Variants in CCDC142 observed in about 807,000 individuals in gnomAD.
CCDC142 encodes the protein coiled-coil domain-containing protein 142.
CCDC142 carries 67 observed loss-of-function variants against 83.8 expected under a neutral mutation model. The ratio of observed to expected loss-of-function variants is 0.80; its 90% CI spans 0.66 to 0.98. CCDC142 has a LOEUF of 0.98. Ranked by LOEUF, CCDC142 falls within the 50% of genes least tolerant of loss-of-function variation. CCDC142 has a pLI of 0.00. For missense variants in CCDC142, 905 were observed against 946.8 expected (o/e 0.96, Z 0.58); for synonymous variants, 421 against 421.2 (o/e 1.00, Z 0.01).
In CCDC142 at chr2:74,481,130, G is replaced by A. The variant is rs1553382391; in HGVS notation, c.1259-44C>T. 6.8e-6 allele frequency: 11 copies of A among 1,608,740 alleles called. No homozygotes were observed. The Admixed American group carries it at 1.2e-4, about 17-fold the overall frequency. ...GAGTGAGTATCTTAGGGGTCATGGAGTACCTTTGGGAAGAGGCAGATTTCA... is the reference window on the plus strand; with the variant it reads ...GAGTGAGTATCTTAGGGGTCATGGAATACCTTTGGGAAGAGGCAGATTTCA... On this transcript the variant is annotated intron_variant, in intron 3 of 8. Transcript: ENST00000393965.
rs1230352042 is a variant in CCDC142 at position 74,474,986 on chromosome 2, A to G, written c.1926T>C (p.Asp642=). The G allele has an allele frequency of 1.2e-6, 2 of 1,613,604 alleles. No individual in the cohort carries two copies. The highest frequency in any genetic ancestry group is 1.7e-6 in the Non-Finnish European group (2 of 1,179,800). ...LLMLSIFQQL[D]GALLCLLQQP... The stretch of plus-strand genomic sequence containing the variant: ...GCTGCAACAGACACAGCAGGGCCCC[A>G]TCCAGCTGCTGGAAGATGCTGAGCA... Residue 642 remains aspartate (D), a synonymous_variant, in exon 8 of 9, where the codon GAT becomes GAC. Coordinates refer to ENST00000393965, the MANE Select transcript of CCDC142 (RefSeq NM_001365575.2).
At position 74,476,024 on chromosome 2, in the gene CCDC142, T is replaced by C. The variant is rs370855110; in HGVS notation, c.1504-298A>G. 1.6e-3 allele frequency among the ~76,000 whole-genome samples: 174 copies of C among 109,676 alleles called. 2 individuals carry two copies. The highest frequency in any genetic ancestry group is 6.1e-3 in the African/African-American group (167 of 27,258). The allele number at this position is 109,676 out of a possible 152,430, so 72.0% of individuals were successfully genotyped here. On this transcript the variant is annotated intron_variant, in intron 5 of 8. Transcript: ENST00000393965. ...AGAGCTTTAAGGAAAAAGAAAGACA[T>C]ACCCTGCCCCCACCCCCGCAACACA...
chr2:74,478,154 C>T (rs1271712288), intron 5 of CCDC142, among the ~76,000 whole-genome samples: 2 of 149,656 alleles, frequency 1.3e-5, no homozygotes, highest in African/African-American at 2.4e-5. Context: ...CTCCGCCTCC[C>T]GGATTCAAGT....
Position 74,481,956 on chromosome 2 carries a change from C to T in CCDC142, c.882G>A (p.Gly294=). ...TCCACAAGGCCCCAGCCCCTCCGAG[C>T]CCTAGTCCACAGCTGGCTGAACCCG... ...GVAGSASCGL[G]LGGAGALWSQ... is the part of the protein sequence containing the mutation. Residue 294 remains glycine (G), a synonymous_variant, in exon 1 of 9, where the codon GGG becomes GGA. Coordinates refer to ENST00000393965, the MANE Select transcript of CCDC142 (RefSeq NM_001365575.2). The T allele has an allele frequency of 6.2e-7, 1 of 1,614,028 alleles. No homozygotes were observed. The highest frequency in any genetic ancestry group is 8.5e-7 in the Non-Finnish European group (1 of 1,180,008).
chr2:74,474,582 C>A lies in CCDC142; in HGVS notation c.2217G>T (p.Pro739=). 1.2e-6 allele frequency: 2 copies of A among 1,613,754 alleles called. No homozygotes were observed. The highest frequency in any genetic ancestry group is 1.7e-6 in the Non-Finnish European group (2 of 1,179,858). ...RQHQRPRWHL[P]FFSCLGTSPE... Reference sequence around the variant, plus strand: ...GACTGGTTCCCAGGCAGGAAAAAAACGGCAGGTGCCAACGGGGTCGCTGGT... The same window carrying A: ...GACTGGTTCCCAGGCAGGAAAAAAAAGGCAGGTGCCAACGGGGTCGCTGGT... Residue 739 remains proline (P), a synonymous_variant, in exon 9 of 9, where the codon CCG becomes CCT. Transcript: ENST00000393965.
chr2:74,481,227 A>C lies in CCDC142; in HGVS notation c.1254T>G (p.Pro418=). 1 of 1,614,030 alleles carries C rather than the reference A, an allele frequency of 6.2e-7. No individual in the cohort carries two copies. The highest frequency in any genetic ancestry group is 8.5e-7 in the Non-Finnish European group (1 of 1,179,980). Residue 418 remains proline (P), a synonymous_variant, in exon 3 of 9, where the codon CCT becomes CCG. Transcript: ENST00000393965. ...AGCCCCAGCCCCTCGTCTCACCTGC[A>C]GGCTGGCAGAAAATCCGTCGTAACC... ...EPRLRRIFCQ[P]ADPAPVALGL... is the part of the protein sequence containing the mutation.
Position 74,482,866 on chromosome 2 carries a change from G to T in CCDC142, c.-29C>A. 6.3e-7 allele frequency: 1 copy of T among 1,586,496 alleles called. No homozygotes were observed. The highest frequency in any genetic ancestry group is 8.5e-7 in the Non-Finnish European group (1 of 1,172,536). ...GCGGCGGGTCCAGAACGAACCTAAC[G>T]ATTCCCACTTCCCTGCACGGACCAA... On this transcript the variant is annotated 5_prime_UTR_variant, in exon 1 of 9. Coordinates refer to ENST00000393965, the MANE Select transcript of CCDC142 (RefSeq NM_001365575.2). This position sits in a 1 kb window ranked among gnomAD's most constrained non-coding sequence, Gnocchi z 5.0.
At chr2:74,477,988 TAAAA>T (rs1192039542) in intron 5 of CCDC142, among the ~76,000 whole-genome samples, 2 of 132,054 alleles carry the variant, frequency 1.5e-5, no homozygotes, top group African/African-American at 5.7e-5. Context: ...AACTTCTAAT[TAAAA>T]AAAAAATATA....
In CCDC142 at chr2:74,482,840, G is replaced by C; in HGVS notation, c.-3C>G. On this transcript the variant is annotated 5_prime_UTR_variant, in exon 1 of 9. Coordinates refer to ENST00000393965, the MANE Select transcript of CCDC142 (RefSeq NM_001365575.2). This position sits in a 1 kb window ranked among gnomAD's most constrained non-coding sequence, Gnocchi z 5.0. ...CCTGAGCGAGACGCCTGGGCCATGG[G>C]GCGGCGGGTCCAGAACGAACCTAAC... 3.1e-6 allele frequency: 5 copies of C among 1,597,210 alleles called. No individual in the cohort carries two copies. Among genetic ancestry groups the C allele is most frequent in the Non-Finnish European group, 4.2e-6 (5 of 1,178,656 alleles).
rs1672442226 is a variant in CCDC142, at chr2:74,481,223, C to T, written c.1258G>A (p.Asp420Asn). The T allele has an allele frequency of 6.2e-7, 1 of 1,613,962 alleles. No individual in the cohort carries two copies. The highest frequency in any genetic ancestry group is 8.5e-7 in the Non-Finnish European group (1 of 1,179,946). ...CCCCAGCCCCAGCCCCTCGTCTCAC[C>T]TGCAGGCTGGCAGAAAATCCGTCGT... ...RLRRIFCQPA[D>N]PAPVALGLCT... Residue 420 changes from aspartate to asparagine, a missense_variant and splice_region_variant, in exon 3 of 9, where the codon GAT (aspartate) becomes AAT (asparagine). By Grantham distance (23) the Asp-to-Asn change is conservative. Transcript: ENST00000393965.
chr2:74,481,647 G>T lies in CCDC142; in HGVS notation c.1022-109C>A, dbSNP rs892621662. 4 of 1,368,622 alleles carry T rather than the reference G, an allele frequency of 2.9e-6. No individual in the cohort carries two copies. In the Admixed American group the frequency reaches 5.5e-5, roughly 19 times the overall value. 84.8% of individuals were successfully genotyped at this position (1,368,622 alleles called of 1,614,324 possible). A position where few individuals can be genotyped will look rare whatever the true frequency, so the allele number is the denominator to read the frequency against. On this transcript the variant is annotated intron_variant, in intron 1 of 8. Transcript: ENST00000393965. ...CATGCTTCCTCCAAGACTCGGGACT[G>T]GGGTGGAAAGCAAGACTTTGCCTTG...
intron 6 of CCDC142, 94 bp downstream of exon 6, chr2:74,475,518 G>T: frequency 6.9e-7 from 1 of 1,450,336 alleles, no homozygotes; most frequent in Non-Finnish European, 9.5e-7. Flanking sequence ...TGAGGACAAG[G>T]ATGGAGACAG....
chr2:74,478,887 G>A lies in CCDC142; in HGVS notation c.1503+1882C>T, dbSNP rs563800715. Among the ~76,000 whole-genome samples, 336 of 151,950 alleles carry A rather than the reference G, an allele frequency of 2.2e-3. 2 individuals carry two copies. Among genetic ancestry groups the A allele is most frequent in the Middle Eastern group, 6.8e-3 (2 of 294 alleles). On this transcript the variant is annotated intron_variant, in intron 5 of 8. Transcript: ENST00000393965. ...CTAAAAATACAAAAACTAGCTGGGC[G>A]TGGTGGCAGGCGCCTGTAATCCCAG...
chr2:74,482,809 A>C lies in CCDC142; in HGVS notation c.29T>G (p.Leu10Arg), dbSNP rs1475074026. ...CGGGGGCACGATAACGAGTGGAGGCAGGCTACCTGAGCGAGACGCCTGGGC... is the reference window on the plus strand; with the variant it reads ...CGGGGGCACGATAACGAGTGGAGGCCGGCTACCTGAGCGAGACGCCTGGGC... MAQASRSGS[L>R]PPLVIVPPLR... The change falls in exon 1 of 9, where the codon CTG (leucine) becomes CGG (arginine). Residue 10 changes from leucine to arginine, a missense_variant. Physicochemically the swap from Leu to Arg is moderately radical, Grantham distance 102. Coordinates refer to ENST00000393965, the MANE Select transcript of CCDC142 (RefSeq NM_001365575.2). The surrounding 1 kb of genome is among the most constrained non-coding windows in gnomAD (Gnocchi z 5.0). 1.3e-6 allele frequency: 2 copies of C among 1,599,662 alleles called. No homozygotes were observed. The highest frequency in any genetic ancestry group is 1.7e-6 in the Non-Finnish European group (2 of 1,179,896).
At position 74,482,821 on chromosome 2, in the gene CCDC142, C is replaced by T; in HGVS notation, c.17G>A (p.Arg6His). 1 of 1,599,132 alleles carries T rather than the reference C, an allele frequency of 6.3e-7. No homozygotes were observed. The highest frequency in any genetic ancestry group is 8.5e-7 in the Non-Finnish European group (1 of 1,179,678). ...AACGAGTGGAGGCAGGCTACCTGAG[C>T]GAGACGCCTGGGCCATGGGGCGGCG... Reference protein sequence around the residue: MAQASRSGSLPPLVIV... With the variant: MAQASHSGSLPPLVIV... Residue 6 changes from arginine (R) to histidine (H), a missense_variant, in exon 1 of 9, where the codon CGC becomes CAC. Coordinates refer to ENST00000393965, the MANE Select transcript of CCDC142 (RefSeq NM_001365575.2). This position sits in a 1 kb window ranked among gnomAD's most constrained non-coding sequence, Gnocchi z 5.0.
rs1481307000 is a variant in CCDC142, at chr2:74,482,959, C to T, written c.-122G>A. ...TTCTCCAGTCCGGGAGTCGCGGGGA[C>T]CTTCATGGACTCTCTCGTGCTCCGT... is the stretch of plus-strand genomic sequence containing the variant. On this transcript the variant is annotated 5_prime_UTR_variant, in exon 1 of 9. Transcript: ENST00000393965. This position sits in a 1 kb window ranked among gnomAD's most constrained non-coding sequence, Gnocchi z 5.0. The T allele has an allele frequency of 2.6e-6, 4 of 1,553,452 alleles. No individual in the cohort carries two copies. The highest frequency in any genetic ancestry group is 3.5e-6 in the Non-Finnish European group (4 of 1,135,258).
rs1553381896 is a variant in CCDC142, at chr2:74,476,102, CAG to C, written c.1504-378_1504-377del. On this transcript the variant is annotated intron_variant, in intron 5 of 8. Coordinates refer to ENST00000393965, the MANE Select transcript of CCDC142 (RefSeq NM_001365575.2). ...ACACACACACACACACACACACACA[CAG>C]AGCATATGCCAGAAAGAGGGATTGT... is the stretch of plus-strand genomic sequence containing the variant. 5.5e-4 allele frequency among the ~76,000 whole-genome samples: 63 copies of C among 115,128 alleles called. 3 individuals are homozygous for C. The highest frequency in any genetic ancestry group is 3.1e-3 in the East Asian group (8 of 2,554). The allele number at this position is 115,128 out of a possible 152,430, so 75.5% of individuals were successfully genotyped here. A position where few individuals can be genotyped will look rare whatever the true frequency, so the allele number is the denominator to read the frequency against.
chr2:74,479,287 CAG>C (rs1482585874), intron 5 of CCDC142, among the ~76,000 whole-genome samples: 2 of 152,088 alleles, frequency 1.3e-5, no homozygotes, highest in Non-Finnish European at 2.9e-5. Flanking sequence ...GAGAGAAAAG[CAG>C]AGAGTTAAGG....
At chr2:74,475,527 A>G in intron 6 of CCDC142, 85 bp downstream of exon 6, 1 of 1,446,950 alleles carries the variant, frequency 6.9e-7, no homozygotes, top group Non-Finnish European at 9.5e-7. Context: ...GGATGGAGAC[A>G]GTGGAGGGGA....
Sources: allele counts gnomAD v4.1 joint callset (sites outside exome capture counted in the v4.1 genomes callset), GRCh38; gene constraint gnomAD v4.1.1; non-coding constraint Gnocchi (gnomAD v3.1); transcripts MANE v1.5; gene names NCBI Gene and HGNC (gene_info 2026-07-23, HGNC 2026-07-21).